The following SPEG variants were observed in gnomAD, a reference collection of about 807,000 sequenced individuals.
SPEG encodes striated muscle enriched protein kinase.
In SPEG, 114 loss-of-function variants were observed where a neutral mutation model predicts 300.4. That is an observed-to-expected ratio of 0.38 (90% CI 0.33 to 0.44). The LOEUF (loss-of-function observed/expected upper bound fraction) is 0.44, where lower values mean the gene tolerates loss of function less well. Among genes scored for constraint, SPEG ranks in the 20% least tolerant of loss-of-function variants. The pLI, the probability that SPEG is intolerant of heterozygous loss-of-function variation, is 1.00. For missense variants in SPEG, 4,201 were observed against 4,586.2 expected, an observed-to-expected ratio of 0.92 and a Z score of 2.43; for synonymous variants, 1,964 against 2,018.9, an observed-to-expected ratio of 0.97 and a Z score of 0.73.
At chr2:219,486,596 G>A (rs935272057) in intron 31 of SPEG, among the ~76,000 whole-genome samples, 3 of 152,154 alleles carry the variant, frequency 2.0e-5, no homozygotes, top group African/African-American at 7.2e-5. Flanking sequence ...CTTCCCACCT[G>A]GGGCCTCCCT....
rs1376685377 is a variant in SPEG at position 219,481,938 on chromosome 2, T to C, written c.5565+258T>C. The C allele has an allele frequency of 5.2e-6, 3 of 581,338 alleles. No individual in the cohort carries two copies. The highest frequency in any genetic ancestry group is 6.2e-6 in the Non-Finnish European group (2 of 324,826). The allele number at this position is 581,338 out of a possible 1,614,324, so 36.0% of individuals were successfully genotyped here. A position where few individuals can be genotyped will look rare whatever the true frequency, so the allele number is the denominator to read the frequency against. On this transcript the variant is annotated intron_variant, in intron 28 of 40. Coordinates refer to ENST00000312358, the MANE Select transcript of SPEG (RefSeq NM_005876.5). This position sits in a 1 kb window ranked among gnomAD's most constrained non-coding sequence, Gnocchi z 5.4. ...CAGGGCATACGTCTGGACCTCTCCA[T>C]CCTGGGCGTCCTCAGTGGAGTTCTC...
In SPEG at chr2:219,449,171, C is replaced by T. The variant is rs900188789; in HGVS notation, c.2013C>T (p.Arg671=). ...GGCCTGAGGCAGAGAAGAGGCTTCG[C>T]AGAGGGCCGGAGGAGGACGGTCCCT... ...RAGPEAEKRL[R]RGPEEDGPWG... Residue 671 remains arginine, a synonymous_variant, in exon 4 of 41, where the codon CGC becomes CGT. Coordinates refer to ENST00000312358, the MANE Select transcript of SPEG (RefSeq NM_005876.5). The T allele has an allele frequency of 7.1e-7, 1 of 1,404,374 alleles. No homozygotes were observed. Among genetic ancestry groups the T allele is most frequent in the Non-Finnish European group, 9.3e-7 (1 of 1,079,174 alleles). The allele number at this position is 1,404,374 out of a possible 1,614,324, so 87.0% of individuals were successfully genotyped here.
Position 219,484,304 on chromosome 2 carries a change from A to C in SPEG, c.6841A>C (p.Arg2281=), listed in dbSNP as rs557402470. 1 of 1,605,820 alleles carries C rather than the reference A, an allele frequency of 6.2e-7. No homozygotes were observed. The highest frequency in any genetic ancestry group is 2.2e-5 in the East Asian group (1 of 44,798). Reference sequence around the variant, plus strand: ...CAAGCCCCACGCTGCTGTCTTTGCCAGGGTGGCCTCCCCACCTCCGGGAGC... The same window carrying C: ...CAAGCCCCACGCTGCTGTCTTTGCCCGGGTGGCCTCCCCACCTCCGGGAGC... ...EPKPHAAVFA[R]VASPPPGAPE... The change falls in exon 30 of 41, where the codon AGG becomes CGG. Residue 2281 remains arginine, a synonymous_variant. Coordinates refer to ENST00000312358, the MANE Select transcript of SPEG (RefSeq NM_005876.5).
Position 219,451,900 on chromosome 2 carries a change from C to G in SPEG, c.2440+93C>G. 1 of 1,331,408 alleles carries G rather than the reference C, an allele frequency of 7.5e-7. No individual in the cohort carries two copies. The highest frequency in any genetic ancestry group is 1.0e-6 in the Non-Finnish European group (1 of 1,001,122). 82.5% of individuals were successfully genotyped at this position (1,331,408 alleles called of 1,614,324 possible). A position where few individuals can be genotyped will look rare whatever the true frequency, so the allele number is the denominator to read the frequency against. ...GTCCACCTCCCTTCCCACTCTCAGC[C>G]TTGAGCTTGGGCACCCCGCCAGCAT... On this transcript the variant is annotated intron_variant, in intron 6 of 40. Transcript: ENST00000312358. This position sits in a 1 kb window ranked among gnomAD's most constrained non-coding sequence, Gnocchi z 6.4.
In SPEG at chr2:219,485,326, A is replaced by G; in HGVS notation, c.7610-20A>G. 2 of 1,597,062 alleles carry G rather than the reference A, an allele frequency of 1.3e-6. No individual in the cohort carries two copies. The highest frequency in any genetic ancestry group is 2.2e-5 in the South Asian group (2 of 89,478). ...GCTGGTACTGACTGAACAAATACTC[A>G]CGGGCCTGAGTCTTCACAGCCCCAG... On this transcript the variant is annotated intron_variant, in intron 30 of 40. Coordinates refer to ENST00000312358, the MANE Select transcript of SPEG (RefSeq NM_005876.5).
At chr2:219,488,724 G>GC in intron 33 of SPEG, 54 bp from the exon 34 acceptor site, 1 of 1,611,388 alleles carries the variant, frequency 6.2e-7, no homozygotes. Context: ...CAGGGCTTGA[G>GC]GGGTTCTTAG....
rs746413863 is a variant in SPEG, at chr2:219,444,884, A to G, written c.538A>G (p.Thr180Ala). The change falls in exon 3 of 41, where the codon ACC (threonine) becomes GCC (alanine). Residue 180 changes from threonine to alanine, a missense_variant. Thr to Ala is a moderately conservative substitution (Grantham distance 58). This residue lies in a region of SPEG where 1,258 missense variants were observed against 1,293.9 expected (regional missense o/e 0.97). Coordinates refer to ENST00000312358, the MANE Select transcript of SPEG (RefSeq NM_005876.5). This position sits in a 1 kb window ranked among gnomAD's most constrained non-coding sequence, Gnocchi z 7.8. ...LDTPPTSVTGTSEEQVSWWGS... is the reference protein window; with the variant it reads ...LDTPPTSVTGASEEQVSWWGS... Reference sequence around the variant, plus strand: ...CACACCCCCGACCTCCGTGACAGGCACCTCAGAGGAGCAAGTGAGCTGGTG... The same window carrying G: ...CACACCCCCGACCTCCGTGACAGGCGCCTCAGAGGAGCAAGTGAGCTGGTG... 1.9e-6 allele frequency: 3 copies of G among 1,567,306 alleles called. No homozygotes were observed. The highest frequency in any genetic ancestry group is 2.6e-6 in the Non-Finnish European group (3 of 1,156,448).
chr2:219,438,902 T>C (rs1954786252), intron 1 of SPEG, among the ~76,000 whole-genome samples: 2 of 152,186 alleles, frequency 1.3e-5, no homozygotes, highest in Admixed American at 6.5e-5. Context: ...CCAGAACCTG[T>C]GTTGAGGAAT....
chr2:219,474,021 C>T lies in SPEG; in HGVS notation c.4447+118C>T, dbSNP rs1196742361. On this transcript the variant is annotated intron_variant, in intron 18 of 40. Coordinates refer to ENST00000312358, the MANE Select transcript of SPEG (RefSeq NM_005876.5). ...CAGATCCAAACCCATGTCCTCTGGT[C>T]AGGCCTGTCCATGTCATGGCTATAC... is the stretch of plus-strand genomic sequence containing the variant. The T allele has an allele frequency of 1.0e-5, 10 of 987,098 alleles. No homozygotes were observed. The Admixed American group carries it at 1.4e-4, about 13-fold the overall frequency. 61.1% of individuals were successfully genotyped at this position (987,098 alleles called of 1,614,324 possible). A position where few individuals can be genotyped will look rare whatever the true frequency, so the allele number is the denominator to read the frequency against.
Position 219,480,546 on chromosome 2 carries a change from G to T in SPEG, c.5343-125G>T. 1.0e-6 allele frequency: 1 copy of T among 963,824 alleles called. No individual in the cohort carries two copies. 59.7% of individuals were successfully genotyped at this position (963,824 alleles called of 1,614,324 possible). ...TCCTCCCTGAAGAAGCCACTCCTGTGCCCATTGTCCATGGCAGTGTTCCCA... is the reference window on the plus strand; with the variant it reads ...TCCTCCCTGAAGAAGCCACTCCTGTTCCCATTGTCCATGGCAGTGTTCCCA... On this transcript the variant is annotated intron_variant, in intron 25 of 40. Transcript: ENST00000312358. This position sits in a 1 kb window ranked among gnomAD's most constrained non-coding sequence, Gnocchi z 5.3.
At chr2:219,478,150 G>A (rs1039559568) in intron 22 of SPEG, 45 bp downstream of exon 22, 1 of 1,537,272 alleles carries the variant, frequency 6.5e-7, no homozygotes, top group African/African-American at 1.4e-5. Flanking sequence ...ATGCCTAAAT[G>A]ACTGGTCCTT....
At position 219,492,538 on chromosome 2, in the gene SPEG, C is replaced by T. The variant is rs997883375; in HGVS notation, c.9612-56C>T. On this transcript the variant is annotated intron_variant, in intron 40 of 40. Transcript: ENST00000312358. The stretch of plus-strand genomic sequence containing the variant: ...ACATGGGTCTGCGGGAGGACAGAGC[C>T]CCGGCAGCTCCCAGAGCTTCCTTCC... 5.4e-5 allele frequency: 85 copies of T among 1,562,912 alleles called. No homozygotes were observed. The African/African-American group carries it at 1.0e-3, about 19-fold the overall frequency.
In SPEG at chr2:219,468,928, C is replaced by T; in HGVS notation, c.3371C>T (p.Ala1124Val). ...GGGGGTCTGCACTCACTGCACATTGCCCATGTGGGCAGCGAGGACGAGGGG... is the reference window on the plus strand; with the variant it reads ...GGGGGTCTGCACTCACTGCACATTGTCCATGTGGGCAGCGAGGACGAGGGG... Reference protein sequence around the residue: ...QDGGLHSLHIAHVGSEDEGLY... With the variant: ...QDGGLHSLHIVHVGSEDEGLY... Residue 1124 changes from alanine (A) to valine (V), a missense_variant, in exon 12 of 41, where the codon GCC becomes GTC. Coordinates refer to ENST00000312358, the MANE Select transcript of SPEG (RefSeq NM_005876.5). 2 of 1,613,968 alleles carry T rather than the reference C, an allele frequency of 1.2e-6. No homozygotes were observed.
intron 34 of SPEG, 32 bp from the exon 35 acceptor site, chr2:219,489,022 T>A: frequency 6.2e-7 from 1 of 1,611,030 alleles, no homozygotes; most frequent in Non-Finnish European, 8.5e-7. Context: ...ACCGCTTCTG[T>A]GACCTCAGCC....
intron 6 of SPEG, among the ~76,000 whole-genome samples, chr2:219,452,517 G>T (rs745669303): frequency 2.0e-5 from 3 of 152,150 alleles, no homozygotes; most frequent in Non-Finnish European, 4.4e-5. Context: ...CTGGGGTTCG[G>T]GGAGGTGAGG....
intron 6 of SPEG, among the ~76,000 whole-genome samples, chr2:219,454,331 A>G (rs1690005984): frequency 6.6e-6 from 1 of 152,100 alleles, no homozygotes; most frequent in Admixed American, 6.5e-5. Flanking sequence ...CCACTGAATC[A>G]TTCTGTTGAG....
At chr2:219,450,337 G>A (rs1031124661) in intron 4 of SPEG, among the ~76,000 whole-genome samples, 4 of 152,178 alleles carry the variant, frequency 2.6e-5, no homozygotes, top group African/African-American at 9.7e-5. Context: ...GGCTCAGAGA[G>A]GCTAATTTGC....
chr2:219,452,452 A>G (rs1268201329), intron 6 of SPEG, among the ~76,000 whole-genome samples: 1 of 152,136 alleles, frequency 6.6e-6, no homozygotes, highest in African/African-American at 2.4e-5. Flanking sequence ...GTCGGTGTAC[A>G]TGGCCAGTTC....
rs1055022841 is a variant in SPEG, at chr2:219,483,478, C to T, written c.6015C>T (p.Pro2005=). 1 of 1,465,086 alleles carries T rather than the reference C, an allele frequency of 6.8e-7. No individual in the cohort carries two copies. The highest frequency in any genetic ancestry group is 1.4e-5 in the South Asian group (1 of 72,850). The allele number at this position is 1,465,086 out of a possible 1,614,324, so 90.8% of individuals were successfully genotyped here. Reference sequence around the variant, plus strand: ...AGGAGCCCGCAGCTGGGGCTAGCCCCAGGCGGGGAGAGCTCCGCAGGGGCA... The same window carrying T: ...AGGAGCCCGCAGCTGGGGCTAGCCCTAGGCGGGGAGAGCTCCGCAGGGGCA... ...PGQEPAAGAS[P]RRGELRRGSS... Residue 2005 remains proline, a synonymous_variant, in exon 30 of 41, where the codon CCC becomes CCT. Transcript: ENST00000312358.
Sources: allele counts gnomAD v4.1 joint callset (sites outside exome capture counted in the v4.1 genomes callset), GRCh38; gene constraint gnomAD v4.1.1; regional missense constraint gnomAD v4.1.1; non-coding constraint Gnocchi (gnomAD v3.1); transcripts MANE v1.5; gene names NCBI Gene and HGNC (gene_info 2026-07-23, HGNC 2026-07-21).